Variants in PCDHA7 observed in about 807,000 individuals in gnomAD.
PCDHA7 encodes protocadherin alpha 7.
A neutral mutation model predicts 57.2 loss-of-function variants in PCDHA7; 37 were observed. That is an observed-to-expected ratio of 0.65 (90% CI 0.50 to 0.85). The LOEUF is 0.85. PCDHA7 is among the 40% of genes least tolerant of loss of function. The pLI is 0.00. For synonymous variants in PCDHA7, 553 were observed against 558.8 expected, an observed-to-expected ratio of 0.99 and a Z score of 0.15; for missense variants, 1,188 against 1,241.8, an observed-to-expected ratio of 0.96 and a Z score of 0.65.
intron 1 of PCDHA7, among the ~76,000 whole-genome samples, chr5:140,924,207 T>C (rs2081717308): frequency 6.6e-6 from 1 of 152,198 alleles, no homozygotes. Flanking sequence ...AGAAATTTGG[T>C]GAAGAATAAG....
Position 140,980,544 on chromosome 5 carries a change from C to T in PCDHA7, c.2414+1537C>T, listed in dbSNP as rs111386744. 4.0e-3 allele frequency among the ~76,000 whole-genome samples: 611 copies of T among 152,160 alleles called. 1 individual carries two copies. The highest frequency in any genetic ancestry group is 0.013 in the African/African-American group (560 of 41,516). On this transcript the variant is annotated intron_variant, in intron 2 of 3. Coordinates refer to ENST00000525929, the MANE Select transcript of PCDHA7 (RefSeq NM_018910.3). ...ACTAGGGAGGCTGAGGCAGGAGAAT[C>T]GCTTGAACCCGGGAGGCGGAAGTTG...
intron 1 of PCDHA7, among the ~76,000 whole-genome samples, chr5:140,888,739 GA>G (rs782625301): frequency 6.6e-6 from 1 of 151,978 alleles, no homozygotes; most frequent in Non-Finnish European, 1.5e-5. Flanking sequence ...TGAGCTCTAG[GA>G]ATTATTCTAC....
intron 1 of PCDHA7, among the ~76,000 whole-genome samples, chr5:140,941,259 T>TTCTTTC (rs1554214225): frequency 1.2e-3 from 146 of 121,812 alleles, no homozygotes; most frequent in African/African-American, 3.7e-3. Flanking sequence ...TTCTTTCTCT[T>TTCTTTC]TCTTTCTTTC....
chr5:140,848,458 G>A lies in PCDHA7; in HGVS notation c.2355+11720G>A, dbSNP rs2150410846. 52 of 1,529,436 alleles carry A rather than the reference G, an allele frequency of 3.4e-5. 3 individuals are homozygous for A. The South Asian group carries it at 5.9e-4, about 17-fold the overall frequency. The allele number at this position is 1,529,436 out of a possible 1,614,324, so 94.7% of individuals were successfully genotyped here. ...TCAGATGATTTCTTCTAATTTGGAG[G>A]CAATTTTCACTAATTAGAAGAAGAC... On this transcript the variant is annotated intron_variant, in intron 1 of 3. Transcript: ENST00000525929.
rs144442346 is a variant in PCDHA7 at position 140,929,817 on chromosome 5, G to A, written c.2356-49132G>A. 1,292 of 158,464 alleles carry A rather than the reference G, an allele frequency of 8.2e-3. 7 individuals are homozygous for A. Among genetic ancestry groups the A allele is most frequent in the African/African-American group, 0.019 (796 of 41,644 alleles). 9.8% of individuals were successfully genotyped at this position (158,464 alleles called of 1,614,324 possible). On this transcript the variant is annotated intron_variant, in intron 1 of 3. Coordinates refer to ENST00000525929, the MANE Select transcript of PCDHA7 (RefSeq NM_018910.3). The stretch of plus-strand genomic sequence containing the variant: ...ATGGGGGTTAAAAGAAGGGAGAAAG[G>A]GAACATAAGAGAACATTTGAGTGAG...
At chr5:140,843,104 C>T in intron 1 of PCDHA7, 1 of 1,595,712 alleles carries the variant, frequency 6.3e-7, no homozygotes, top group African/African-American at 1.3e-5. Context: ...AGCGAAGGTG[C>T]GCGCAGTGGA....
chr5:140,843,246 C>G (rs1554139882), intron 1 of PCDHA7: 9 of 1,595,918 alleles, frequency 5.6e-6, no homozygotes, highest in Middle Eastern at 1.7e-4. Flanking sequence ...GAAGCGGACT[C>G]TCCGCGCCAC....
intron 1 of PCDHA7, chr5:140,856,891 C>A: frequency 6.3e-7 from 1 of 1,596,046 alleles, no homozygotes; most frequent in Non-Finnish European, 8.6e-7. Flanking sequence ...ATTCATTTAG[C>A]TCTTTGGTCC....
At position 140,915,626 on chromosome 5, in the gene PCDHA7, G is replaced by GTCTCTCTCTC. The variant is rs57920489; in HGVS notation, c.2356-63302_2356-63293dup. 2.5e-3 allele frequency among the ~76,000 whole-genome samples: 366 copies of GTCTCTCTCTC among 146,512 alleles called. 2 individuals carry two copies. Among genetic ancestry groups the GTCTCTCTCTC allele is most frequent in the South Asian group, 3.6e-3 (16 of 4,500 alleles). ...ACTTTCTGTCAAACAGTCTCTTTCT[G>GTCTCTCTCTC]TCTCTCTCTCTCTCTCTCTCTCTCT... On this transcript the variant is annotated intron_variant, in intron 1 of 3. Coordinates refer to ENST00000525929, the MANE Select transcript of PCDHA7 (RefSeq NM_018910.3).
At chr5:140,975,068 C>T (rs1273763502) in intron 1 of PCDHA7, among the ~76,000 whole-genome samples, 4 of 152,134 alleles carry the variant, frequency 2.6e-5, no homozygotes, top group African/African-American at 9.7e-5. Flanking sequence ...CGAGCTCATT[C>T]AGATTGTTGG....
intron 1 of PCDHA7, chr5:140,968,425 C>T (rs1195446919): frequency 6.2e-7 from 1 of 1,613,832 alleles, no homozygotes; most frequent in Non-Finnish European, 8.5e-7. Flanking sequence ...AGGCTCAGGA[C>T]AAGGGGAGCC....
chr5:140,851,102 G>T (rs1439831567), intron 1 of PCDHA7: 1 of 1,288,512 alleles, frequency 7.8e-7, no homozygotes, highest in Non-Finnish European at 1.0e-6. Context: ...ATATTTTTTG[G>T]GTGCTGAATC....
chr5:140,892,351 G>T (rs1554185157), intron 1 of PCDHA7, among the ~76,000 whole-genome samples: 1 of 152,112 alleles, frequency 6.6e-6, no homozygotes, highest in Non-Finnish European at 1.5e-5. Context: ...ATTGACTTTT[G>T]CCAGGCATCT....
intron 1 of PCDHA7, among the ~76,000 whole-genome samples, chr5:140,907,922 G>T (rs1554193181): frequency 6.6e-6 from 1 of 152,174 alleles, no homozygotes; most frequent in Admixed American, 6.5e-5. Context: ...ACTCAGAGAG[G>T]TCCATTCACA....
chr5:140,900,151 G>A lies in PCDHA7; in HGVS notation c.2355+63413G>A, dbSNP rs114795695. On this transcript the variant is annotated intron_variant, in intron 1 of 3. Coordinates refer to ENST00000525929, the MANE Select transcript of PCDHA7 (RefSeq NM_018910.3). ...GTACCACAAATAAGTAAGAACATAC[G>A]ATATTTGTCTTTCTGTGCCTGGTTT... is the stretch of plus-strand genomic sequence containing the variant. Among the ~76,000 whole-genome samples, 787 of 152,242 alleles carry A rather than the reference G, an allele frequency of 5.2e-3. 9 individuals carry two copies. Among genetic ancestry groups the A allele is most frequent in the African/African-American group, 0.018 (746 of 41,554 alleles).
At chr5:140,967,362 C>A (rs1385889243) in intron 1 of PCDHA7, 2 of 1,607,452 alleles carry the variant, frequency 1.2e-6, no homozygotes, top group East Asian at 2.2e-5. Flanking sequence ...GACCTTAAGC[C>A]CCTGCAGGAG....
At chr5:140,899,980 T>TG (rs1202261789) in intron 1 of PCDHA7, among the ~76,000 whole-genome samples, 49 of 152,074 alleles carry the variant, frequency 3.2e-4, no homozygotes, top group African/African-American at 1.1e-3. Flanking sequence ...GCTACTTTTT[T>TG]GATTTTTTTT....
chr5:140,856,041 A>T lies in PCDHA7; in HGVS notation c.2355+19303A>T, dbSNP rs797043647. Reference sequence around the variant, plus strand: ...ATTCGTCGATTTGTAAAACAAGAGAAGGATAAGATGGTTTCCAGATGTAGC... The same window carrying T: ...ATTCGTCGATTTGTAAAACAAGAGATGGATAAGATGGTTTCCAGATGTAGC... On this transcript the variant is annotated intron_variant, in intron 1 of 3. Coordinates refer to ENST00000525929, the MANE Select transcript of PCDHA7 (RefSeq NM_018910.3). 1.9e-6 allele frequency: 3 copies of T among 1,569,530 alleles called. No individual in the cohort carries two copies. The African/African-American group carries it at 4.1e-5, about 21-fold the overall frequency.
At chr5:140,967,022 A>G (rs2096084806) in intron 1 of PCDHA7, 1 of 1,608,014 alleles carries the variant, frequency 6.2e-7, no homozygotes, top group Middle Eastern at 1.7e-4. Context: ...GGGTGCGCCC[A>G]GTCCGCGCTA....
Sources: allele counts gnomAD v4.1 joint callset (sites outside exome capture counted in the v4.1 genomes callset), GRCh38; gene constraint gnomAD v4.1.1; transcripts MANE v1.5; gene names NCBI Gene and HGNC (gene_info 2026-07-23, HGNC 2026-07-21).